Variants in BLCAP observed in about 807,000 individuals in gnomAD.
BLCAP encodes the protein apoptosis inducing factor BLCAP.
BLCAP carries 1 observed loss-of-function variant against 5.7 expected under a neutral mutation model. The observed-to-expected ratio is 0.18, with a 90% CI of 0.06 to 0.83. The LOEUF is 0.83. Ranked by LOEUF, BLCAP falls within the 40% of genes least tolerant of loss-of-function variation. The pLI is 0.71. For synonymous variants in BLCAP, 48 were observed against 49.4 expected (o/e 0.97, Z 0.11); for missense variants, 66 against 107.6 (o/e 0.61, Z 1.71).
At chr20:37,523,636 C>T (rs2071667609) in intron 1 of BLCAP, 1 of 152,680 alleles carries the variant, frequency 6.5e-6, no homozygotes. Context: ...AAAAGTACCT[C>T]CCCTGTCTCG....
chr20:37,519,025 G>A lies in BLCAP; in HGVS notation c.150C>T (p.Phe50=). 1.2e-6 allele frequency: 2 copies of A among 1,614,204 alleles called. No individual in the cohort carries two copies. Among genetic ancestry groups the A allele is most frequent in the Non-Finnish European group, 1.7e-6 (2 of 1,180,038 alleles). Reference sequence around the variant, plus strand: ...AGCAGATAAGGAACAGGGCTGCCAGGAAAACCAAGGCACAAATTGTGCAAG... The same window carrying A: ...AGCAGATAAGGAACAGGGCTGCCAGAAAAACCAAGGCACAAATTGTGCAAG... ...RKPCTICALV[F]LAALFLICYS... is the part of the protein sequence containing the mutation. The change falls in exon 2 of 2, where the codon TTC becomes TTT. Residue 50 remains phenylalanine, a synonymous_variant. Coordinates refer to ENST00000373537, the MANE Select transcript of BLCAP (RefSeq NM_006698.4).
In BLCAP at chr20:37,518,887, T is replaced by G; in HGVS notation, c.*24A>C. Reference sequence around the variant, plus strand: ...GCCTCCCCTCCCGTCTTCTGCTTCCTTGGAAAGCTAACAGGGCAGGCCGTT... The same window carrying G: ...GCCTCCCCTCCCGTCTTCTGCTTCCGTGGAAAGCTAACAGGGCAGGCCGTT... On this transcript the variant is annotated 3_prime_UTR_variant, in exon 2 of 2. Transcript: ENST00000373537. The G allele has an allele frequency of 6.2e-7, 1 of 1,611,286 alleles. No individual in the cohort carries two copies. Among genetic ancestry groups the G allele is most frequent in the Non-Finnish European group, 8.5e-7 (1 of 1,178,460 alleles).
At position 37,525,774 on chromosome 20, in the gene BLCAP, A is replaced by G. The variant is rs138397010; in HGVS notation, c.-177+2019T>C. 3.5e-4 allele frequency among the ~76,000 whole-genome samples: 54 copies of G among 152,340 alleles called. No individual in the cohort carries two copies. The East Asian group carries it at 0.01, about 28-fold the overall frequency. Reference sequence around the variant, plus strand: ...TGATAGAGAGCAATGCGAAGAATTGAAAATGACTAGTGTTTTACTGCACAG... The same window carrying G: ...TGATAGAGAGCAATGCGAAGAATTGGAAATGACTAGTGTTTTACTGCACAG... On this transcript the variant is annotated intron_variant, in intron 1 of 1. Coordinates refer to ENST00000373537, the MANE Select transcript of BLCAP (RefSeq NM_006698.4).
chr20:37,522,457 T>A (rs1469086496), intron 1 of BLCAP: 1 of 1,606,970 alleles, frequency 6.2e-7, no homozygotes, highest in African/African-American at 1.3e-5. Flanking sequence ...AAGTTGTGGG[T>A]CCAATCAGCT....
At position 37,519,347 on chromosome 20, in the gene BLCAP, G is replaced by T; in HGVS notation, c.-173C>A. The T allele has an allele frequency of 2.1e-6, 1 of 467,262 alleles. No individual in the cohort carries two copies. 28.9% of individuals were successfully genotyped at this position (467,262 alleles called of 1,614,324 possible). A position where few individuals can be genotyped will look rare whatever the true frequency, so the allele number is the denominator to read the frequency against. ...AGCCCGGGATCACCAAGGCAGCAGG[G>T]ATCCTGAAGAGAAAAGTCAACACAA... On this transcript the variant is annotated 5_prime_UTR_variant, in exon 2 of 2. Coordinates refer to ENST00000373537, the MANE Select transcript of BLCAP (RefSeq NM_006698.4).
chr20:37,519,031 C>T lies in BLCAP; in HGVS notation c.144G>A (p.Leu48=), dbSNP rs148193399. 117 of 1,614,070 alleles carry T rather than the reference C, an allele frequency of 7.2e-5. No homozygotes were observed. The African/African-American group carries it at 1.3e-3, about 18-fold the overall frequency. ...TAAGGAACAGGGCTGCCAGGAAAACCAAGGCACAAATTGTGCAAGGCTTCC... is the reference window on the plus strand; with the variant it reads ...TAAGGAACAGGGCTGCCAGGAAAACTAAGGCACAAATTGTGCAAGGCTTCC... ...LERKPCTICA[L]VFLAALFLIC... is the part of the protein sequence containing the mutation. The change falls in exon 2 of 2, where the codon TTG becomes TTA. Residue 48 remains leucine (L), a synonymous_variant. Coordinates refer to ENST00000373537, the MANE Select transcript of BLCAP (RefSeq NM_006698.4).
intron 1 of BLCAP, among the ~76,000 whole-genome samples, chr20:37,526,368 C>T (rs939753886): frequency 6.6e-6 from 1 of 151,370 alleles, no homozygotes; most frequent in Admixed American, 6.6e-5. Context: ...CTTTTCCCCC[C>T]GGTAACCTCT....
At chr20:37,522,610 C>A in intron 1 of BLCAP, 1 of 1,526,870 alleles carries the variant, frequency 6.5e-7, no homozygotes, top group South Asian at 1.2e-5. Context: ...ACGGCAGCAC[C>A]ACAGACATGC....
At chr20:37,519,786 A>G (rs2071507624) in intron 1 of BLCAP, among the ~76,000 whole-genome samples, 1 of 152,242 alleles carries the variant, frequency 6.6e-6, no homozygotes, top group South Asian at 2.1e-4. Context: ...CCCACGTGGT[A>G]AGGACAGGGT....
Position 37,521,605 on chromosome 20 carries a change from G to A in BLCAP, c.-176-2255C>T, listed in dbSNP as rs2071577780. On this transcript the variant is annotated intron_variant, in intron 1 of 1. Transcript: ENST00000373537. The surrounding 1 kb of genome is among the most constrained non-coding windows in gnomAD (Gnocchi z 4.5). ...TCCTCGCGCTGACCCTCCCTAGTGC[G>A]CCCGCGCCTGCCAGGGAACAAAGAC... is the stretch of plus-strand genomic sequence containing the variant. 3 of 570,372 alleles carry A rather than the reference G, an allele frequency of 5.3e-6. No homozygotes were observed. The African/African-American group carries it at 5.7e-5, about 11-fold the overall frequency. The allele number at this position is 570,372 out of a possible 1,614,324, so 35.3% of individuals were successfully genotyped here.
chr20:37,519,874 G>A (rs997996938), intron 1 of BLCAP, among the ~76,000 whole-genome samples: 1 of 152,232 alleles, frequency 6.6e-6, no homozygotes, highest in Non-Finnish European at 1.5e-5. Flanking sequence ...GGGCACTGCC[G>A]GCCACCAGAC....
At position 37,518,798 on chromosome 20, in the gene BLCAP, C is replaced by G. The variant is rs944620654; in HGVS notation, c.*113G>C. ...ACATCACAGGCCAAAAAGGCGCCGT[C>G]AGGAATGTGACACCCGCGAGGCTGC... On this transcript the variant is annotated 3_prime_UTR_variant, in exon 2 of 2. Coordinates refer to ENST00000373537, the MANE Select transcript of BLCAP (RefSeq NM_006698.4). 2.4e-5 allele frequency: 35 copies of G among 1,448,894 alleles called. No homozygotes were observed. Among genetic ancestry groups the G allele is most frequent in the Non-Finnish European group, 3.2e-5 (34 of 1,077,660 alleles). The allele number at this position is 1,448,894 out of a possible 1,614,324, so 89.8% of individuals were successfully genotyped here.
chr20:37,519,933 T>C (rs1033961633), intron 1 of BLCAP, among the ~76,000 whole-genome samples: 1 of 152,266 alleles, frequency 6.6e-6, no homozygotes, highest in Non-Finnish European at 1.5e-5. Context: ...TATTTTAAGA[T>C]GGCAGCCTAG....
chr20:37,522,801 T>A, intron 1 of BLCAP: 1 of 1,523,444 alleles, frequency 6.6e-7, no homozygotes, highest in East Asian at 2.4e-5. Flanking sequence ...CATCAGGTGC[T>A]CCTGTGCATC....
At chr20:37,524,606 G>A (rs1198819168) in intron 1 of BLCAP, 1 of 152,272 alleles carries the variant, frequency 6.6e-6, no homozygotes, top group South Asian at 2.1e-4. Context: ...GGAGTTGGAG[G>A]GCCATAAATC....
At chr20:37,519,498 T>C (rs2071498450) in intron 1 of BLCAP, 148 bp from the exon 2 acceptor site, 1 of 229,966 alleles carries the variant, frequency 4.3e-6, no homozygotes, top group Admixed American at 5.4e-5. Flanking sequence ...ACAGCAAATG[T>C]GAAATGCCCT....
chr20:37,527,329 C>G (rs1026827989), intron 1 of BLCAP, among the ~76,000 whole-genome samples: 4 of 151,998 alleles, frequency 2.6e-5, no homozygotes, highest in African/African-American at 7.3e-5. Flanking sequence ...TCAGGAGACC[C>G]TCTCTCCCCT....
intron 1 of BLCAP, among the ~76,000 whole-genome samples, chr20:37,526,166 C>T (rs971643519): frequency 6.6e-6 from 1 of 152,006 alleles, no homozygotes; most frequent in Non-Finnish European, 1.5e-5. Flanking sequence ...ACTGTTGGAT[C>T]GGGGAGCAGG....
intron 1 of BLCAP, chr20:37,527,122 C>T (rs1301154431): frequency 1.3e-5 from 2 of 152,248 alleles, no homozygotes; most frequent in African/African-American, 4.8e-5. Flanking sequence ...AACTGTCCCC[C>T]ATCCCCCATG....
Sources: allele counts gnomAD v4.1 joint callset (sites outside exome capture counted in the v4.1 genomes callset), GRCh38; gene constraint gnomAD v4.1.1; non-coding constraint Gnocchi (gnomAD v3.1); transcripts MANE v1.5; gene names NCBI Gene and HGNC (gene_info 2026-07-23, HGNC 2026-07-21).